The following HEATR5A variants were observed in gnomAD, a reference collection of about 807,000 sequenced individuals.
The protein encoded by HEATR5A is HEAT repeat-containing protein 5A.
A neutral mutation model predicts 218.8 loss-of-function variants in HEATR5A; 178 were observed. The observed-to-expected ratio is 0.81, with a 90% CI of 0.72 to 0.92. HEATR5A has a LOEUF of 0.92. Among genes scored for constraint, HEATR5A ranks in the 40% least tolerant of loss-of-function variants. The pLI is 0.00. For missense variants in HEATR5A, 2,420 were observed against 2,418.9 expected (o/e 1.00, Z -0.01); for synonymous variants, 864 against 871.6 (o/e 0.99, Z 0.15).
intron 26 of HEATR5A, among the ~76,000 whole-genome samples, chr14:31,316,346 T>C (rs1404933504): frequency 6.6e-6 from 1 of 152,074 alleles, no homozygotes; most frequent in Non-Finnish European, 1.5e-5. Flanking sequence ...ATCTCCCTTG[T>C]GAGTTCAGCA....
At chr14:31,318,533 C>T (rs1275302132) in intron 25 of HEATR5A, among the ~76,000 whole-genome samples, 4 of 152,140 alleles carry the variant, frequency 2.6e-5, no homozygotes, top group African/African-American at 9.7e-5. Context: ...GTCGCCCAGG[C>T]AGGCTGGAGT....
chr14:31,313,043 G>T lies in HEATR5A; in HGVS notation c.4366C>A (p.Leu1456Ile). Residue 1456 changes from leucine (L) to isoleucine (I), a missense_variant, in exon 28 of 36, where the codon CTC becomes ATC. Transcript: ENST00000543095. ...AAATCCTGAAGTGCAGCAAGCCAGA[G>T]TCTGCTTAGTGTGCCAAGATCTGCA... ...VYADLGTLSR[L>I]WLAALQDFAL... 1 of 1,614,018 alleles carries T rather than the reference G, an allele frequency of 6.2e-7. No individual in the cohort carries two copies. Among genetic ancestry groups the T allele is most frequent in the Admixed American group, 1.7e-5 (1 of 60,020 alleles).
intron 25 of HEATR5A, among the ~76,000 whole-genome samples, chr14:31,320,044 C>A (rs1470132142): frequency 6.6e-6 from 1 of 152,084 alleles, no homozygotes; most frequent in Non-Finnish European, 1.5e-5. Context: ...AAATCTGAAT[C>A]ATTTCCTAAG....
intron 24 of HEATR5A, among the ~76,000 whole-genome samples, chr14:31,322,810 T>A: frequency 7.5e-6 from 1 of 132,578 alleles, no homozygotes. Flanking sequence ...CAGAGTGAAA[T>A]GCTGTCTAAA....
At position 31,358,180 on chromosome 14, in the gene HEATR5A, T is replaced by C. The variant is rs1901492016; in HGVS notation, c.2411+457A>G. On this transcript the variant is annotated intron_variant, in intron 16 of 35. Coordinates refer to ENST00000543095, the MANE Select transcript of HEATR5A (RefSeq NM_015473.4). ...TTTCGCCATACTGGTCCCTGGTGCC[T>C]AAAAGGTTGGGGACCACTGGTCTAA... Among the ~76,000 whole-genome samples the C allele has an allele frequency of 2.0e-5, 3 of 152,312 alleles. 1 individual carries two copies. The South Asian group carries it at 6.2e-4, about 32-fold the overall frequency.
At chr14:31,327,494 G>A (rs569962426) in intron 22 of HEATR5A, among the ~76,000 whole-genome samples, 11 of 148,844 alleles carry the variant, frequency 7.4e-5, no homozygotes, top group Non-Finnish European at 5.9e-5. Context: ...GGTTTCAACA[G>A]TGGCCAGGCT....
At chr14:31,293,702 C>T (rs999369268) in intron 35 of HEATR5A, 90 bp from the exon 36 acceptor site, 2 of 1,272,566 alleles carry the variant, frequency 1.6e-6, no homozygotes, top group South Asian at 1.6e-5. Context: ...CATTTTTCCC[C>T]ACTAAAGAAA....
intron 1 of HEATR5A, among the ~76,000 whole-genome samples, chr14:31,419,948 G>A (rs1336806312): frequency 6.6e-6 from 1 of 152,372 alleles, no homozygotes; most frequent in African/African-American, 2.4e-5. Context: ...TCTCTTTGAG[G>A]GTTCCTGCAG....
intron 33 of HEATR5A, 54 bp downstream of exon 33, chr14:31,302,241 T>C: frequency 7.8e-7 from 1 of 1,286,188 alleles, no homozygotes. Context: ...CTCAAAAAAC[T>C]CTTCTTCTCA....
intron 26 of HEATR5A, among the ~76,000 whole-genome samples, chr14:31,316,442 A>G (rs1399317192): frequency 6.6e-6 from 1 of 152,192 alleles, no homozygotes; most frequent in Non-Finnish European, 1.5e-5. Context: ...ACTGATAATG[A>G]TAGTCAAAAG....
chr14:31,319,915 G>A (rs1052795698), intron 25 of HEATR5A, among the ~76,000 whole-genome samples: 24 of 151,972 alleles, frequency 1.6e-4, no homozygotes, highest in African/African-American at 4.8e-4. Context: ...GCGTGGTGGC[G>A]TGTGGCTGTA....
rs185583143 is a variant in HEATR5A at position 31,337,675 on chromosome 14, A to G, written c.3229-61T>C. On this transcript the variant is annotated intron_variant, in intron 21 of 35. Transcript: ENST00000543095. The stretch of plus-strand genomic sequence containing the variant: ...ATTCTTGTTGGCACTCAGTGAGTCT[A>G]ATAGATATTCACTGGACCCCTTCCT... 124 of 1,449,834 alleles carry G rather than the reference A, an allele frequency of 8.6e-5. No individual in the cohort carries two copies. The Middle Eastern group carries it at 1.0e-3, about 12-fold the overall frequency. The allele number at this position is 1,449,834 out of a possible 1,614,324, so 89.8% of individuals were successfully genotyped here. A position where few individuals can be genotyped will look rare whatever the true frequency, so the allele number is the denominator to read the frequency against.
At chr14:31,414,618 T>G (rs911164272) in intron 1 of HEATR5A, among the ~76,000 whole-genome samples, 1 of 152,194 alleles carries the variant, frequency 6.6e-6, no homozygotes, top group Admixed American at 6.5e-5. Flanking sequence ...CTTGCCCCCT[T>G]TTAAAAATGA....
At chr14:31,419,909 C>T (rs1463377693) in intron 1 of HEATR5A, among the ~76,000 whole-genome samples, 1 of 152,116 alleles carries the variant, frequency 6.6e-6, no homozygotes, top group Non-Finnish European at 1.5e-5. Flanking sequence ...AGCAAATATC[C>T]ACACTCTCCA....
In HEATR5A at chr14:31,313,206, T is replaced by A; in HGVS notation, c.4219-16A>T. The A allele has an allele frequency of 6.4e-7, 1 of 1,572,750 alleles. No homozygotes were observed. Among genetic ancestry groups the A allele is most frequent in the Non-Finnish European group, 8.7e-7 (1 of 1,149,216 alleles). On this transcript the variant is annotated splice_polypyrimidine_tract_variant and intron_variant, in intron 27 of 35. Transcript: ENST00000543095. Reference sequence around the variant, plus strand: ...TTATGTAGACCTGTTAAAGGTTAATTTAAAAACAGGAAAATCTTTTATCTG... The same window carrying A: ...TTATGTAGACCTGTTAAAGGTTAATATAAAAACAGGAAAATCTTTTATCTG...
At chr14:31,326,114 G>T in intron 23 of HEATR5A, 49 bp downstream of exon 23, 1 of 1,459,234 alleles carries the variant, frequency 6.9e-7, no homozygotes. Flanking sequence ...TTTATGTAAA[G>T]TTTCAAATTT....
chr14:31,363,639 T>TA (rs1401571272), intron 14 of HEATR5A, among the ~76,000 whole-genome samples: 27 of 152,150 alleles, frequency 1.8e-4, no homozygotes, highest in Admixed American at 3.3e-4. Flanking sequence ...ATATAATAGA[T>TA]ACAATTTCTA....
rs1280491256 is a variant in HEATR5A, at chr14:31,292,267, G to T, written c.*1038C>A. On this transcript the variant is annotated 3_prime_UTR_variant, in exon 36 of 36. Coordinates refer to ENST00000543095, the MANE Select transcript of HEATR5A (RefSeq NM_015473.4). ...TAGGTTAAAACTCATTGATACAAAT[G>T]TTTGCCACAAATGAAAATGAACAAA... The T allele has an allele frequency of 2.0e-5, 3 of 152,144 alleles. No homozygotes were observed. The highest frequency in any genetic ancestry group is 4.4e-5 in the Non-Finnish European group (3 of 68,014). The allele number at this position is 152,144 out of a possible 1,614,324, so 9.4% of individuals were successfully genotyped here.
At chr14:31,311,762 T>C (rs1899762717) in intron 28 of HEATR5A, among the ~76,000 whole-genome samples, 1 of 152,164 alleles carries the variant, frequency 6.6e-6, no homozygotes, top group African/African-American at 2.4e-5. Flanking sequence ...AGCACTCGGA[T>C]ATAATTTTAA....
Sources: allele counts gnomAD v4.1 joint callset (sites outside exome capture counted in the v4.1 genomes callset), GRCh38; gene constraint gnomAD v4.1.1; transcripts MANE v1.5; gene names NCBI Gene and HGNC (gene_info 2026-07-23, HGNC 2026-07-21).